Variants in NELFA observed in about 807,000 individuals in gnomAD.
NELFA encodes negative elongation factor complex member A.
Under a neutral mutation model 51.8 loss-of-function variants are expected in NELFA, and 35 were observed. That is an observed-to-expected ratio of 0.68 (90% confidence interval 0.52 to 0.90). The LOEUF is 0.90. NELFA is among the 40% of genes least tolerant of loss of function. The pLI, the probability that NELFA is intolerant of heterozygous loss-of-function variation, is 0.00. For missense variants in NELFA, 658 were observed against 746.4 expected, an observed-to-expected ratio of 0.88 and a Z score of 1.38; for synonymous variants, 417 against 338.4, an observed-to-expected ratio of 1.23 and a Z score of -2.55.
chr4:1,991,494 G>A (rs1254424410), intron 2 of NELFA, 50 bp downstream of exon 2: 5 of 1,580,300 alleles, frequency 3.2e-6, no homozygotes, highest in East Asian at 2.2e-5. Flanking sequence ...AATTTTTCAA[G>A]AAAGATCCAT....
In NELFA at chr4:1,983,988, G is replaced by T. The variant is rs757421203; in HGVS notation, c.1162C>A (p.Pro388Thr). 6.2e-7 allele frequency: 1 copy of T among 1,609,790 alleles called. No homozygotes were observed. The highest frequency in any genetic ancestry group is 8.5e-7 in the Non-Finnish European group (1 of 1,179,596). Reference protein sequence around the residue: ...NSGLSPATPTPAAPTSPLTPT... With the variant: ...NSGLSPATPTTAAPTSPLTPT... ...GTCAGAGGCGAGGTGGGCGCCGCAG[G>T]CGTGGGTGTGGCAGGGCTCAGGCCG... Residue 388 changes from proline (P) to threonine (T), a missense_variant, in exon 9 of 11, where the codon CCT (proline) becomes ACT (threonine). Pro to Thr is a conservative substitution (Grantham distance 38). Transcript: ENST00000382882.
At chr4:1,991,520 A>C in intron 2 of NELFA, 24 bp downstream of exon 2, 1 of 1,609,318 alleles carries the variant, frequency 6.2e-7, no homozygotes, top group Non-Finnish European at 8.5e-7. Flanking sequence ...TCCACCCAAC[A>C]TGAATTAAAG....
At chr4:2,007,450 T>A (rs1375644752) in intron 1 of NELFA, among the ~76,000 whole-genome samples, 1 of 152,000 alleles carries the variant, frequency 6.6e-6, no homozygotes, top group African/African-American at 2.4e-5. Context: ...GCAGTGAAAA[T>A]TAAACTGCAG....
intron 1 of NELFA, among the ~76,000 whole-genome samples, chr4:2,006,425 C>T (rs567209791): frequency 2.0e-5 from 3 of 152,228 alleles, no homozygotes; most frequent in Non-Finnish European, 2.9e-5. Flanking sequence ...TGATAGTGGG[C>T]GGATGAATAC....
intron 7 of NELFA, 33 bp from the exon 8 acceptor site, chr4:1,984,952 G>A (rs772449328): frequency 1.1e-5 from 16 of 1,483,606 alleles, no homozygotes; most frequent in Non-Finnish European, 1.3e-5. Flanking sequence ...CCTTCCAGAA[G>A]AGGCCATGCT....
chr4:1,989,430 T>C lies in NELFA; in HGVS notation c.544+278A>G, dbSNP rs1339115512. ...GCAGCCTCAACCTCGTGGGCTCAGG[T>C]GATCCTCCTACCTCAGCCTTCCGAG... On this transcript the variant is annotated intron_variant, in intron 3 of 10. Transcript: ENST00000382882. This position sits in a 1 kb window ranked among gnomAD's most constrained non-coding sequence, Gnocchi z 4.8. Among the ~76,000 whole-genome samples the C allele has an allele frequency of 2.0e-5, 3 of 152,120 alleles. No individual in the cohort carries two copies. Among genetic ancestry groups the C allele is most frequent in the Non-Finnish European group, 4.4e-5 (3 of 68,018 alleles).
At chr4:1,992,966 C>A (rs1172012865) in intron 1 of NELFA, among the ~76,000 whole-genome samples, 1 of 152,176 alleles carries the variant, frequency 6.6e-6, no homozygotes, top group Non-Finnish European at 1.5e-5. Context: ...CGCCCCGGGC[C>A]CTCACTCCCG....
intron 2 of NELFA, chr4:1,990,377 G>A (rs1389060277): frequency 2.2e-6 from 1 of 456,800 alleles, no homozygotes; most frequent in African/African-American, 2.0e-5. Flanking sequence ...TGCCCCACGA[G>A]GGACAGGCGA....
rs775652095 is a variant in NELFA, at chr4:1,985,729, G to C, written c.924+47C>G. On this transcript the variant is annotated intron_variant, in intron 7 of 10. Coordinates refer to ENST00000382882, the MANE Select transcript of NELFA (RefSeq NM_005663.5). ...CTAGTGGCCACAATCGGAACAAAAG[G>C]GGCACCCGCAGTGGTGCCAGACATG... The C allele has an allele frequency of 1.2e-5, 18 of 1,478,914 alleles. 1 individual carries two copies. Among genetic ancestry groups the C allele is most frequent in the South Asian group, 8.0e-5 (7 of 88,010 alleles). The allele number at this position is 1,478,914 out of a possible 1,614,324, so 91.6% of individuals were successfully genotyped here. A position where few individuals can be genotyped will look rare whatever the true frequency, so the allele number is the denominator to read the frequency against.
chr4:1,987,702 C>T, intron 4 of NELFA: 1 of 562,300 alleles, frequency 1.8e-6, no homozygotes, highest in South Asian at 2.3e-5. Context: ...AGATCCCGGC[C>T]CTCCTGTCTC....
At chr4:1,990,051 T>C (rs943990174) in intron 2 of NELFA, 182 bp from the exon 3 acceptor site, 23 of 659,302 alleles carry the variant, frequency 3.5e-5, no homozygotes, top group Middle Eastern at 4.2e-4. Context: ...CCAGGAGCAT[T>C]TGCAGAACAG....
chr4:1,996,059 C>A (rs62287057), intron 1 of NELFA, among the ~76,000 whole-genome samples: 1,602 of 152,264 alleles, frequency 0.011, 22 homozygotes, highest in Non-Finnish European at 0.013. Flanking sequence ...TGAACATCCA[C>A]TGAGCAATGG....
Position 1,984,013 on chromosome 4 carries a change from G to A in NELFA, c.1137C>T (p.Ser379=), listed in dbSNP as rs752983379. The A allele has an allele frequency of 2.9e-5, 47 of 1,608,454 alleles. No homozygotes were observed. The highest frequency in any genetic ancestry group is 3.5e-5 in the Non-Finnish European group (41 of 1,179,562). Residue 379 remains serine, a synonymous_variant, in exon 9 of 11, where the codon AGC becomes AGT. Coordinates refer to ENST00000382882, the MANE Select transcript of NELFA (RefSeq NM_005663.5). The part of the protein sequence containing the change: ...QFKQRAPMYN[S]GLSPATPTPA... ...GCGTGGGTGTGGCAGGGCTCAGGCC[G>A]CTGTTGTACATGGGCGCCCGCTGCT...
At chr4:1,994,988 G>A (rs1019193130) in intron 1 of NELFA, among the ~76,000 whole-genome samples, 1 of 152,252 alleles carries the variant, frequency 6.6e-6, no homozygotes, top group African/African-American at 2.4e-5. Flanking sequence ...CTGGGCCATG[G>A]GGCACCTGGA....
rs1294680915 is a variant in NELFA at position 1,985,963 on chromosome 4, C to T, written c.836-99G>A. 3.0e-6 allele frequency: 4 copies of T among 1,349,408 alleles called. No homozygotes were observed. The African/African-American group carries it at 4.4e-5, about 15-fold the overall frequency. 83.6% of individuals were successfully genotyped at this position (1,349,408 alleles called of 1,614,324 possible). A position where few individuals can be genotyped will look rare whatever the true frequency, so the allele number is the denominator to read the frequency against. On this transcript the variant is annotated intron_variant, in intron 6 of 10. Coordinates refer to ENST00000382882, the MANE Select transcript of NELFA (RefSeq NM_005663.5). ...TCAAACAGCTTCCCAGGGGAGGCCA[C>T]CAAGGAGCGAGGAGAAAAGCAGGCA...
chr4:2,007,066 TG>T, intron 1 of NELFA: 1 of 336,756 alleles, frequency 3.0e-6, no homozygotes, highest in Non-Finnish European at 6.3e-6. Context: ...AAGACCAGCC[TG>T]GGCAGCATGG....
In NELFA at chr4:1,983,358, C is replaced by T. The variant is rs755159526; in HGVS notation, c.1548G>A (p.Thr516=). Residue 516 remains threonine (T), a synonymous_variant, in exon 11 of 11, where the codon ACG becomes ACA. Transcript: ENST00000382882. ...TCATGGGCTTGTACTTCTTGAAGCG[C>T]GTCCACTGGCCCGTGGCATAGTTCA... The part of the protein sequence containing the change: ...FEMNYATGQW[T]RFKKYKPMTN... The T allele has an allele frequency of 1.9e-5, 31 of 1,614,080 alleles. No homozygotes were observed. Among genetic ancestry groups the T allele is most frequent in the South Asian group, 6.6e-5 (6 of 91,092 alleles).
At chr4:2,008,243 C>A (rs1320622433) in intron 1 of NELFA, among the ~76,000 whole-genome samples, 2 of 145,856 alleles carry the variant, frequency 1.4e-5, no homozygotes, top group Non-Finnish European at 3.0e-5. Flanking sequence ...TCGGTCGCTT[C>A]GGCACGGTGG....
At chr4:2,006,593 A>AC (rs1728715703) in intron 1 of NELFA, among the ~76,000 whole-genome samples, 1 of 151,680 alleles carries the variant, frequency 6.6e-6, no homozygotes, top group Non-Finnish European at 1.5e-5. Context: ...ATACAGTAAG[A>AC]CCCCCATCTC....
Sources: gnomAD v4.1 joint callset for allele counts (sites outside exome capture counted in the v4.1 genomes callset) on GRCh38, gnomAD v4.1.1 for gene constraint, Gnocchi (gnomAD v3.1) non-coding constraint, MANE v1.5 for transcripts, NCBI Gene and HGNC (gene_info 2026-07-23, HGNC 2026-07-21) for gene names.